The following IGSF11 variants were observed in gnomAD, a reference collection of about 807,000 sequenced individuals.
IGSF11 encodes the protein CXADR like 1.
In IGSF11, 22 loss-of-function variants were observed where a neutral mutation model predicts 41.0. That is an observed-to-expected ratio of 0.54 (90% CI 0.38 to 0.77). The LOEUF is 0.77. Ranked by LOEUF, IGSF11 falls within the 30% of genes least tolerant of loss-of-function variation. The pLI is 0.00. For synonymous variants in IGSF11, 219 were observed against 201.3 expected (o/e 1.09, Z -0.74); for missense variants, 444 against 530.8 (o/e 0.84, Z 1.61).
intron 1 of IGSF11, among the ~76,000 whole-genome samples, chr3:119,083,126 CTTTTTT>C (rs79620142): frequency 2.0e-4 from 26 of 129,082 alleles, no homozygotes; most frequent in East Asian, 4.4e-4. Context: ...TTTCTTTTTT[CTTTTTT>C]TTTTTTTTTT....
At chr3:119,028,578 G>C (rs1379320487) in intron 1 of IGSF11, among the ~76,000 whole-genome samples, 1 of 151,760 alleles carries the variant, frequency 6.6e-6, no homozygotes, top group Non-Finnish European at 1.5e-5. Flanking sequence ...ATGAAGCAAA[G>C]GCTTCAGAAT....
rs549334466 is a variant in IGSF11, at chr3:119,097,989, A to G, written c.49+7155T>C. ...TTTTTTTTTTTTTTTTTTTTTTTAGAGACAGGGTCTTGCCATGTTGCCCAG... is the reference window on the plus strand; with the variant it reads ...TTTTTTTTTTTTTTTTTTTTTTTAGGGACAGGGTCTTGCCATGTTGCCCAG... On this transcript the variant is annotated intron_variant, in intron 1 of 6. Transcript: ENST00000354673. 1.4e-4 allele frequency among the ~76,000 whole-genome samples: 8 copies of G among 58,398 alleles called. 1 individual carries two copies. The South Asian group carries it at 4.9e-3, about 36-fold the overall frequency. The allele number at this position is 58,398 out of a possible 152,430, so 38.3% of individuals were successfully genotyped here. A position where few individuals can be genotyped will look rare whatever the true frequency, so the allele number is the denominator to read the frequency against.
chr3:119,058,790 A>C (rs1029678409), intron 1 of IGSF11, among the ~76,000 whole-genome samples: 12 of 140,982 alleles, frequency 8.5e-5, no homozygotes, highest in African/African-American at 2.4e-4. Flanking sequence ...AATACTATGC[A>C]GCCATAAAAA....
At chr3:119,141,844 G>A (rs1203168448) in intron 1 of IGSF11, among the ~76,000 whole-genome samples, 1 of 151,986 alleles carries the variant, frequency 6.6e-6, no homozygotes, top group Non-Finnish European at 1.5e-5. Flanking sequence ...TGGCTATAAA[G>A]AGGGCATTCC....
intron 1 of IGSF11, among the ~76,000 whole-genome samples, chr3:119,093,726 G>T (rs1457821373): frequency 5.3e-5 from 8 of 152,128 alleles, no homozygotes; most frequent in Non-Finnish European, 1.2e-4. Context: ...GTAAAGACAG[G>T]TCCCTAATGC....
chr3:119,029,276 C>CACACA (rs1328485449), intron 1 of IGSF11, among the ~76,000 whole-genome samples: 4 of 96,746 alleles, frequency 4.1e-5, no homozygotes, highest in Non-Finnish European at 9.7e-5. Context: ...ACACACACAC[C>CACACA]CGAGAGAGAG....
rs5852186 is a variant in IGSF11 at position 119,083,551 on chromosome 3, CACAT to C, written c.49+21589_49+21592del. The stretch of plus-strand genomic sequence containing the variant: ...ACACACACACAAACACACACACACA[CACAT>C]AGAGTCATGTACCACATAATGATGT... On this transcript the variant is annotated intron_variant, in intron 1 of 6. Transcript: ENST00000354673. Among the ~76,000 whole-genome samples the C allele has an allele frequency of 7.0e-3, 510 of 73,262 alleles. 3 individuals are homozygous for C. The highest frequency in any genetic ancestry group is 0.013 in the East Asian group (39 of 3,098). 48.1% of individuals were successfully genotyped at this position (73,262 alleles called of 152,430 possible).
chr3:119,077,757 T>C (rs182156549), intron 1 of IGSF11, among the ~76,000 whole-genome samples: 13 of 152,202 alleles, frequency 8.5e-5, no homozygotes, highest in Non-Finnish European at 1.9e-4. Context: ...TTTACAATGA[T>C]GTGATTCTAT....
At chr3:119,094,789 A>G (rs1381229085) in intron 1 of IGSF11, among the ~76,000 whole-genome samples, 1 of 151,488 alleles carries the variant, frequency 6.6e-6, no homozygotes, top group Non-Finnish European at 1.5e-5. Context: ...CTCCTGCCTC[A>G]GCCTGCCGAG....
intron 1 of IGSF11, among the ~76,000 whole-genome samples, chr3:118,968,344 G>A (rs747986997): frequency 6.6e-6 from 1 of 152,004 alleles, no homozygotes; most frequent in Non-Finnish European, 1.5e-5. Flanking sequence ...GGGTCCCCAG[G>A]GAATTATAGA....
At chr3:119,139,540 T>G (rs2077611271) in intron 1 of IGSF11, among the ~76,000 whole-genome samples, 1 of 152,168 alleles carries the variant, frequency 6.6e-6, no homozygotes, top group Non-Finnish European at 1.5e-5. Flanking sequence ...CTGCACAAGC[T>G]CTCTCTTTTT....
chr3:118,901,407 CATT>C lies in IGSF11; in HGVS notation c.*1110_*1112del, dbSNP rs1476807706. ...TCAGTCTTACCTCTTTTGCAAAAAG[CATT>C]ATTTTGAAAAACGAAACAGAACAAA... On this transcript the variant is annotated 3_prime_UTR_variant, in exon 7 of 7. Transcript: ENST00000393775. 3.3e-5 allele frequency: 5 copies of C among 151,936 alleles called. No individual in the cohort carries two copies. The highest frequency in any genetic ancestry group is 4.8e-5 in the African/African-American group (2 of 41,316). The allele number at this position is 151,936 out of a possible 1,614,324, so 9.4% of individuals were successfully genotyped here.
intron 1 of IGSF11, among the ~76,000 whole-genome samples, chr3:119,034,314 C>A (rs970176031): frequency 3.3e-5 from 5 of 152,164 alleles, no homozygotes; most frequent in Non-Finnish European, 7.4e-5. Context: ...AGTTTAGTTA[C>A]CTCTCTGACA....
chr3:118,977,418 A>T (rs1934238495), intron 1 of IGSF11, among the ~76,000 whole-genome samples: 1 of 152,154 alleles, frequency 6.6e-6, no homozygotes, highest in Non-Finnish European at 1.5e-5. Context: ...TTAATTCTTT[A>T]AAAAGACAAT....
At chr3:119,135,143 T>C (rs1166988589) in intron 1 of IGSF11, among the ~76,000 whole-genome samples, 3 of 152,128 alleles carry the variant, frequency 2.0e-5, no homozygotes, top group East Asian at 1.9e-4. Flanking sequence ...GTTCAGGACA[T>C]AGGCATGGGC....
intron 1 of IGSF11, among the ~76,000 whole-genome samples, chr3:119,065,960 G>T (rs144903868): frequency 6.6e-6 from 1 of 152,054 alleles, no homozygotes; most frequent in East Asian, 1.9e-4. Flanking sequence ...TTTTTTAATG[G>T]ACAACCTTTT....
intron 1 of IGSF11, among the ~76,000 whole-genome samples, chr3:119,102,267 T>C (rs554618331): frequency 6.6e-6 from 1 of 152,358 alleles, no homozygotes; most frequent in Admixed American, 6.5e-5. Context: ...TATTCAGAGA[T>C]GTCTGCTATC....
intron 1 of IGSF11, among the ~76,000 whole-genome samples, chr3:119,023,575 C>T (rs753809277): frequency 6.3e-4 from 96 of 152,040 alleles, no homozygotes; most frequent in Non-Finnish European, 1.2e-3. Context: ...ATGTAAACTG[C>T]CACATATAAA....
chr3:119,046,374 A>C (rs1405816591), intron 1 of IGSF11, among the ~76,000 whole-genome samples: 1 of 152,188 alleles, frequency 6.6e-6, no homozygotes, highest in Non-Finnish European at 1.5e-5. Context: ...TGATGCAATC[A>C]ACTGGAAGAA....
Sources: gnomAD v4.1 joint callset for allele counts (sites outside exome capture counted in the v4.1 genomes callset) on GRCh38, gnomAD v4.1.1 for gene constraint, MANE v1.5 for transcripts, NCBI Gene and HGNC (gene_info 2026-07-23, HGNC 2026-07-21) for gene names.